RNLS: variants seen among roughly 807,000 people sequenced by gnomAD.
RNLS encodes renalase, FAD dependent amine oxidase.
A neutral mutation model predicts 39.8 loss-of-function variants in RNLS; 39 were observed. That is an observed-to-expected ratio of 0.98 (90% CI 0.76 to 1.28). The LOEUF is 1.28. RNLS is among the 50% of genes most tolerant of loss of function. RNLS has a pLI of 0.00. For synonymous variants in RNLS, 147 were observed against 150.7 expected, an observed-to-expected ratio of 0.98 and a Z score of 0.18; for missense variants, 410 against 413.3, an observed-to-expected ratio of 0.99 and a Z score of 0.07.
intron 5 of RNLS, among the ~76,000 whole-genome samples, chr10:88,356,975 A>G (rs1336723943): frequency 6.6e-6 from 1 of 152,118 alleles, no homozygotes; most frequent in African/African-American, 2.4e-5. Flanking sequence ...AGGGTTGCTT[A>G]CTCATTTTAT....
intron 4 of RNLS, among the ~76,000 whole-genome samples, chr10:88,481,763 C>T (rs1844184772): frequency 6.6e-6 from 1 of 152,128 alleles, no homozygotes; most frequent in African/African-American, 2.4e-5. Flanking sequence ...TATTAACCTA[C>T]ATATCTACCA....
chr10:88,179,130 T>C, the RNLS span, among the ~76,000 whole-genome samples: 1 of 152,122 alleles, frequency 6.6e-6, no homozygotes, highest in African/African-American at 2.4e-5. Flanking sequence ...ATAAATTATG[T>C]GGAATGTTAA....
chr10:88,479,498 C>A (rs956010576), intron 4 of RNLS, among the ~76,000 whole-genome samples: 1 of 152,084 alleles, frequency 6.6e-6, no homozygotes, highest in Admixed American at 6.6e-5. Context: ...AATAAGACAA[C>A]CCATGTAAAT....
the RNLS span, among the ~76,000 whole-genome samples, chr10:88,172,842 GTTTTTTTTTTTTTTTTTT>G: frequency 1.5e-3 from 65 of 43,776 alleles, no homozygotes; most frequent in East Asian, 4.2e-3. Flanking sequence ...ATTTTGAGTT[GTTTTTTTTTTTTTTTTTT>G]TTTTTTTTTT....
chr10:88,387,320 A>T (rs930348819), intron 4 of RNLS, among the ~76,000 whole-genome samples: 1 of 152,140 alleles, frequency 6.6e-6, no homozygotes, highest in Non-Finnish European at 1.5e-5. Context: ...AAGCCCTAGC[A>T]ACACTGAAAA....
chr10:88,225,303 G>A, the RNLS span, among the ~76,000 whole-genome samples: 1 of 151,976 alleles, frequency 6.6e-6, no homozygotes, highest in African/African-American at 2.4e-5. Context: ...AACTTTGTAA[G>A]AAAAAAAATC....
At chr10:88,203,333 TATAC>T in the RNLS span, among the ~76,000 whole-genome samples, 937 of 10,554 alleles carry the variant, frequency 0.089, 274 homozygotes, top group Non-Finnish European at 0.12. Context: ...TATATATATA[TATAC>T]ACGTATGTGT....
At chr10:88,481,331 C>T (rs1321676724) in intron 4 of RNLS, among the ~76,000 whole-genome samples, 1 of 152,120 alleles carries the variant, frequency 6.6e-6, no homozygotes, top group Non-Finnish European at 1.5e-5. Context: ...GCTGGACTTA[C>T]ATTTTCCATT....
At chr10:88,482,660 TCAGAGG>T (rs1844262452) in intron 4 of RNLS, among the ~76,000 whole-genome samples, 1 of 152,182 alleles carries the variant, frequency 6.6e-6, no homozygotes. Context: ...TTGGGGATCC[TCAGAGG>T]CAATTTCTAT....
chr10:88,246,094 G>C, the RNLS span, among the ~76,000 whole-genome samples: 8 of 152,192 alleles, frequency 5.3e-5, no homozygotes, highest in Admixed American at 5.2e-4. Context: ...GTGGCAGGCA[G>C]ATCAGTAGAA....
chr10:88,206,055 A>G, the RNLS span, among the ~76,000 whole-genome samples: 1 of 152,208 alleles, frequency 6.6e-6, no homozygotes, highest in Admixed American at 6.5e-5. Flanking sequence ...CTGGGGCTCA[A>G]TAATTAACCT....
At chr10:88,398,546 A>G (rs1337222832) in intron 4 of RNLS, among the ~76,000 whole-genome samples, 1 of 152,050 alleles carries the variant, frequency 6.6e-6, no homozygotes, top group East Asian at 1.9e-4. Flanking sequence ...CAGCATCATC[A>G]GGGCCCAAGA....
chr10:88,338,861 A>ACGCCGTTCTCC (rs1847712883), intron 5 of RNLS, among the ~76,000 whole-genome samples: 1 of 145,848 alleles, frequency 6.9e-6, no homozygotes, highest in Admixed American at 7.4e-5. Context: ...TCCCGGGCTC[A>ACGCCGTTCTCC]CGCCGTTCTC....
At chr10:88,472,903 C>T (rs1488348727) in intron 4 of RNLS, among the ~76,000 whole-genome samples, 1 of 152,166 alleles carries the variant, frequency 6.6e-6, no homozygotes, top group Non-Finnish European at 1.5e-5. Flanking sequence ...CCCAGAAAAT[C>T]GTCTATGTTG....
the RNLS span, among the ~76,000 whole-genome samples, chr10:88,212,112 A>T: frequency 6.6e-6 from 1 of 152,156 alleles, no homozygotes; most frequent in African/African-American, 2.4e-5. Flanking sequence ...GTCATCTTTT[A>T]TGATGCCTTC....
intron 4 of RNLS, among the ~76,000 whole-genome samples, chr10:88,480,819 G>GTGTGTGTA (rs554784760): frequency 7.3e-5 from 11 of 151,452 alleles, no homozygotes; most frequent in South Asian, 2.1e-4. Flanking sequence ...GTGTGTGTGT[G>GTGTGTGTA]TATGTGTTCT....
rs765055164 is a variant in RNLS, at chr10:88,583,198, G to A, written c.-8C>T. 4 of 1,613,568 alleles carry A rather than the reference G, an allele frequency of 2.5e-6. No homozygotes were observed. The highest frequency in any genetic ancestry group is 2.7e-5 in the African/African-American group (2 of 74,940). Reference sequence around the variant, plus strand: ...GATCAGCACCTGCGCCATGGCGAGAGGGAGCAGCGATCCGCGCTGAGTCTC... The same window carrying A: ...GATCAGCACCTGCGCCATGGCGAGAAGGAGCAGCGATCCGCGCTGAGTCTC... On this transcript the variant is annotated 5_prime_UTR_variant, in exon 1 of 7. Transcript: ENST00000331772.
chr10:88,238,501 C>T, the RNLS span, among the ~76,000 whole-genome samples: 1 of 152,202 alleles, frequency 6.6e-6, no homozygotes, highest in Non-Finnish European at 1.5e-5. Context: ...TGAGGGGCTA[C>T]TTCCTTAAAC....
intron 4 of RNLS, among the ~76,000 whole-genome samples, chr10:88,447,011 C>A (rs1842074749): frequency 6.6e-6 from 1 of 152,176 alleles, no homozygotes; most frequent in African/African-American, 2.4e-5. Context: ...TGGGATGTAT[C>A]TCAAAACAAT....
Sources: gnomAD v4.1 joint callset for allele counts (sites outside exome capture counted in the v4.1 genomes callset) on GRCh38, gnomAD v4.1.1 for gene constraint, MANE v1.5 for transcripts, NCBI Gene and HGNC (gene_info 2026-07-23, HGNC 2026-07-21) for gene names.